The following PRKCE variants were observed in gnomAD, a reference collection of about 807,000 sequenced individuals.
The protein encoded by PRKCE is protein kinase C epsilon, also known as protein kinase C epsilon type.
PRKCE carries 16 observed loss-of-function variants against 85.4 expected under a neutral mutation model. That is an observed-to-expected ratio of 0.19 (90% confidence interval 0.13 to 0.28). The LOEUF (loss-of-function observed/expected upper bound fraction) is 0.28, where lower values mean the gene tolerates loss of function less well. Ranked by LOEUF, PRKCE falls within the 10% of genes least tolerant of loss-of-function variation. The probability of loss-of-function intolerance (pLI) is 1.00; values close to 1 mark genes in which losing one functional copy is unlikely to be tolerated. For missense variants in PRKCE, 573 were observed against 975.2 expected (o/e 0.59, Z 5.49); for synonymous variants, 388 against 371.5 (o/e 1.04, Z -0.51).
At chr2:45,772,269 AT>A (rs1449646313) in intron 1 of PRKCE, among the ~76,000 whole-genome samples, 5 of 151,282 alleles carry the variant, frequency 3.3e-5, no homozygotes. Context: ...GCAAGACCCC[AT>A]CTCAAAATAA....
At chr2:45,738,462 AAATCCCACTGTTTTCAGAT>A (rs1682271186) in intron 1 of PRKCE, among the ~76,000 whole-genome samples, 1 of 152,170 alleles carries the variant, frequency 6.6e-6, no homozygotes, top group African/African-American at 2.4e-5. Flanking sequence ...CCACTGTTTG[AAATCCCACTGTTTTCAGAT>A]AACCTGTCTT....
rs1430315230 is a variant in PRKCE at position 45,907,016 on chromosome 2, G to A, written c.412+63953G>A. ...AGTGTCTCCCCATAATCCCCTGCAG[G>A]GACCAGGCTGGATGGGGCCCCAGTT... On this transcript the variant is annotated intron_variant, in intron 2 of 14. Transcript: ENST00000306156. This position sits in a 1 kb window ranked among gnomAD's most constrained non-coding sequence, Gnocchi z 4.5. Among the ~76,000 whole-genome samples, 3 of 152,176 alleles carry A rather than the reference G, an allele frequency of 2.0e-5. No homozygotes were observed. The highest frequency in any genetic ancestry group is 4.4e-5 in the Non-Finnish European group (3 of 68,028).
intron 1 of PRKCE, among the ~76,000 whole-genome samples, chr2:45,723,966 G>C (rs998055683): frequency 2.6e-5 from 4 of 152,150 alleles, no homozygotes; most frequent in African/African-American, 9.7e-5. Context: ...ATTCTTTGAG[G>C]AGACCCTGCT....
At chr2:45,726,698 AT>A (rs1681103500) in intron 1 of PRKCE, among the ~76,000 whole-genome samples, 1 of 152,150 alleles carries the variant, frequency 6.6e-6, no homozygotes, top group South Asian at 2.1e-4. Context: ...TGTACTTTTG[AT>A]TCTCAGGATA....
intron 2 of PRKCE, among the ~76,000 whole-genome samples, chr2:45,968,023 G>A (rs1169091981): frequency 6.6e-6 from 1 of 152,200 alleles, no homozygotes; most frequent in Non-Finnish European, 1.5e-5. Flanking sequence ...GTAGGGGACT[G>A]TCCTGCAGTG....
At chr2:46,036,329 C>G (rs1481079492) in intron 10 of PRKCE, among the ~76,000 whole-genome samples, 1 of 152,164 alleles carries the variant, frequency 6.6e-6, no homozygotes, top group Non-Finnish European at 1.5e-5. Context: ...GTAATGCCAG[C>G]ACTTTGGGAG....
At chr2:46,067,639 G>C (rs1667733066) in intron 10 of PRKCE, among the ~76,000 whole-genome samples, 1 of 152,208 alleles carries the variant, frequency 6.6e-6, no homozygotes, top group Non-Finnish European at 1.5e-5. Context: ...ATGTGTTGCA[G>C]GAACGCTGCT....
chr2:45,725,824 C>T (rs1681018553), intron 1 of PRKCE, among the ~76,000 whole-genome samples: 1 of 142,756 alleles, frequency 7.0e-6, no homozygotes, highest in African/African-American at 2.5e-5. Flanking sequence ...AGTGAGACTC[C>T]ATCTCAAAAA....
intron 2 of PRKCE, among the ~76,000 whole-genome samples, chr2:45,931,183 A>C (rs754083574): frequency 5.7e-4 from 87 of 152,112 alleles, no homozygotes; most frequent in Non-Finnish European, 1.8e-4. Context: ...AAGTCCTTGC[A>C]CTCTGATAAC....
intron 2 of PRKCE, among the ~76,000 whole-genome samples, chr2:45,961,104 A>G (rs1289711479): frequency 6.6e-6 from 1 of 152,118 alleles, no homozygotes; most frequent in Non-Finnish European, 1.5e-5. Context: ...TCACTTATAC[A>G]CAGGCCCTGG....
At chr2:45,814,939 A>G (rs1157061028) in intron 1 of PRKCE, among the ~76,000 whole-genome samples, 3 of 152,128 alleles carry the variant, frequency 2.0e-5, no homozygotes, top group Non-Finnish European at 4.4e-5. Flanking sequence ...AAAAACCAAC[A>G]AGGTGTTGGT....
Position 46,153,995 on chromosome 2 carries a change from C to T in PRKCE, c.1920+2766C>T, listed in dbSNP as rs866877176. Among the ~76,000 whole-genome samples, 4 of 152,168 alleles carry T rather than the reference C, an allele frequency of 2.6e-5. No individual in the cohort carries two copies. The Middle Eastern group carries it at 0.01, about 391-fold the overall frequency. On this transcript the variant is annotated intron_variant, in intron 13 of 14. Transcript: ENST00000306156. ...AGAGGCAGGGTTTCACCGTGTTAGC[C>T]AGGATGGTCTCCATCTCCTGACCTC...
intron 2 of PRKCE, among the ~76,000 whole-genome samples, chr2:45,885,082 T>G (rs1402834777): frequency 6.7e-6 from 1 of 149,032 alleles, no homozygotes; most frequent in Non-Finnish European, 1.5e-5. Flanking sequence ...CTAGAAACAA[T>G]GCCACAGTGA....
chr2:45,719,283 C>G, intron 1 of PRKCE, among the ~76,000 whole-genome samples: 1 of 152,220 alleles, frequency 6.6e-6, no homozygotes, highest in Non-Finnish European at 1.5e-5. Flanking sequence ...AGATTGACAT[C>G]TAATCTAAAG....
At chr2:46,081,566 T>C (rs1450881382) in intron 10 of PRKCE, among the ~76,000 whole-genome samples, 1 of 152,152 alleles carries the variant, frequency 6.6e-6, no homozygotes, top group Non-Finnish European at 1.5e-5. Flanking sequence ...GATCTGACCT[T>C]GTCAGAGAAG....
Position 45,870,815 on chromosome 2 carries a change from C to T in PRKCE, c.412+27752C>T, listed in dbSNP as rs372720382. ...GGGGGTGCTAATTCTCTCTCCTTCG[C>T]TTGTAGTGGTCAAACGAGGTGAGTA... On this transcript the variant is annotated intron_variant, in intron 2 of 14. Coordinates refer to ENST00000306156, the MANE Select transcript of PRKCE (RefSeq NM_005400.3). Among the ~76,000 whole-genome samples, 593 of 152,292 alleles carry T rather than the reference C, an allele frequency of 3.9e-3. 3 individuals are homozygous for T. Among genetic ancestry groups the T allele is most frequent in the African/African-American group, 0.014 (565 of 41,544 alleles).
intron 11 of PRKCE, among the ~76,000 whole-genome samples, chr2:46,087,736 C>G (rs919738297): frequency 5.3e-5 from 8 of 152,232 alleles, no homozygotes; most frequent in Non-Finnish European, 1.0e-4. Flanking sequence ...TACCTACATG[C>G]CCTGGTCAGT....
intron 2 of PRKCE, among the ~76,000 whole-genome samples, chr2:45,941,065 T>TAAAAAAAAAAAAAAAAA (rs397781944): frequency 7.4e-5 from 5 of 67,160 alleles, no homozygotes; most frequent in African/African-American, 1.8e-4. Context: ...GACTTCATCC[T>TAAAAAAAAAAAAAAAAA]AAAAAAAAAA....
intron 1 of PRKCE, among the ~76,000 whole-genome samples, chr2:45,819,372 G>T (rs1689336651): frequency 1.3e-5 from 2 of 152,126 alleles, no homozygotes; most frequent in Non-Finnish European, 2.9e-5. Flanking sequence ...AACCCATCTG[G>T]CTCAGAATGC....
Sources: allele counts gnomAD v4.1 joint callset (sites outside exome capture counted in the v4.1 genomes callset), GRCh38; gene constraint gnomAD v4.1.1; non-coding constraint Gnocchi (gnomAD v3.1); transcripts MANE v1.5; gene names NCBI Gene and HGNC (gene_info 2026-07-23, HGNC 2026-07-21).